Variants in ANKRD26 observed in about 807,000 individuals in gnomAD.
ANKRD26 encodes the protein ankyrin repeat domain-containing protein 26.
In ANKRD26, 141 loss-of-function variants were observed where a neutral mutation model predicts 208.7. That is an observed-to-expected ratio of 0.68 (90% confidence interval 0.59 to 0.78). The LOEUF is 0.78. Among genes scored for constraint, ANKRD26 ranks in the 30% least tolerant of loss-of-function variants. ANKRD26 has a pLI of 0.00. For missense variants in ANKRD26, 1,889 were observed against 1,938.7 expected, an observed-to-expected ratio of 0.97 and a Z score of 0.48; for synonymous variants, 636 against 660.4, an observed-to-expected ratio of 0.96 and a Z score of 0.57.
At chr10:27,072,112 T>C (rs966282355) in intron 9 of ANKRD26, among the ~76,000 whole-genome samples, 4 of 152,310 alleles carry the variant, frequency 2.6e-5, no homozygotes, top group African/African-American at 9.6e-5. Context: ...GGATGCCCCT[T>C]GTTCCACAGG....
chr10:26,987,518 C>T (rs1018456120), downstream of ANKRD26, among the ~76,000 whole-genome samples: 33 of 152,148 alleles, frequency 2.2e-4, no homozygotes, highest in Non-Finnish European at 2.9e-4. Flanking sequence ...TCTAACATTT[C>T]CACCCTCTCC....
At chr10:27,002,253 C>T (rs1304482219), downstream of ANKRD26, among the ~76,000 whole-genome samples, 2 of 152,158 alleles carry the variant, frequency 1.3e-5, no homozygotes, top group Non-Finnish European at 2.9e-5. Context: ...GGCCGGGACA[C>T]AAGAGACTGG....
the ANKRD26 span, among the ~76,000 whole-genome samples, chr10:26,950,678 G>C: frequency 6.6e-6 from 1 of 152,208 alleles, no homozygotes; most frequent in Admixed American, 6.5e-5. Context: ...GCCTCCTGAG[G>C]CCTCCCCAAA....
chr10:26,961,054 A>C, the ANKRD26 span, among the ~76,000 whole-genome samples: 1 of 151,926 alleles, frequency 6.6e-6, no homozygotes, highest in Non-Finnish European at 1.5e-5. Flanking sequence ...CTGTCTCTAC[A>C]AAAAATACAA....
chr10:27,051,405 C>T (rs943333172), intron 16 of ANKRD26: 12 of 1,182,854 alleles, frequency 1.0e-5, no homozygotes, highest in Non-Finnish European at 1.3e-5. Context: ...TTTTGGATCA[C>T]TATACTGAGG....
intron 4 of ANKRD26, among the ~76,000 whole-genome samples, chr10:27,092,069 A>G (rs1320055753): frequency 1.3e-5 from 2 of 152,180 alleles, no homozygotes; most frequent in Non-Finnish European, 1.5e-5. Context: ...TAGCTAACAG[A>G]TCACATGGCC....
intron 26 of ANKRD26, 82 bp downstream of exon 26, chr10:27,029,204 A>G: frequency 6.9e-7 from 1 of 1,449,906 alleles, no homozygotes; most frequent in Non-Finnish European, 9.5e-7. Context: ...ACTTATGATC[A>G]TAGCTGATAT....
At position 27,044,192 on chromosome 10, in the gene ANKRD26, T is replaced by TA. The variant is rs113123391; in HGVS notation, c.1986-3dup. The TA allele has an allele frequency of 0.044, 51,020 of 1,152,832 alleles. 320 individuals carry two copies. Among genetic ancestry groups the TA allele is most frequent in the Admixed American group, 0.16 (7,017 of 44,642 alleles). 71.4% of individuals were successfully genotyped at this position (1,152,832 alleles called of 1,614,324 possible). A position where few individuals can be genotyped will look rare whatever the true frequency, so the allele number is the denominator to read the frequency against. ...TCATTAGATGTTTTCTTAGTAGGCCTAAAAAAAAAAAATACCTTTCAGGCA... is the reference window on the plus strand; with the variant it reads ...TCATTAGATGTTTTCTTAGTAGGCCTAAAAAAAAAAAAATACCTTTCAGGCA... On this transcript the variant is annotated splice_region_variant and splice_polypyrimidine_tract_variant and intron_variant, in intron 18 of 33. Coordinates refer to ENST00000376087, the MANE Select transcript of ANKRD26 (RefSeq NM_014915.3).
chr10:26,950,877 GATTT>G, the ANKRD26 span, among the ~76,000 whole-genome samples: 140 of 152,150 alleles, frequency 9.2e-4, no homozygotes, highest in African/African-American at 2.7e-3. Context: ...ATTCAGAATT[GATTT>G]ATTTGTCAAA....
chr10:26,961,010 A>C, the ANKRD26 span, among the ~76,000 whole-genome samples: 1 of 152,164 alleles, frequency 6.6e-6, no homozygotes, highest in Non-Finnish European at 1.5e-5. Context: ...CAAGGTCAGG[A>C]GATCCACACC....
In ANKRD26 at chr10:27,079,040, G is replaced by A. The variant is rs183618312; in HGVS notation, c.813+49C>T. ...GCAAAATTTTAAGAGAATACTATAC[G>A]AAACTAGATTCAGAGTAAGAAAATT... On this transcript the variant is annotated intron_variant, in intron 7 of 33. Coordinates refer to ENST00000376087, the MANE Select transcript of ANKRD26 (RefSeq NM_014915.3). The A allele has an allele frequency of 2.2e-4, 335 of 1,504,940 alleles. 3 individuals are homozygous for A. The East Asian group carries it at 6.0e-3, about 27-fold the overall frequency. 93.2% of individuals were successfully genotyped at this position (1,504,940 alleles called of 1,614,324 possible).
intron 15 of ANKRD26, among the ~76,000 whole-genome samples, chr10:27,054,769 G>A (rs1369542473): frequency 2.0e-5 from 3 of 152,140 alleles, no homozygotes; most frequent in African/African-American, 7.2e-5. Flanking sequence ...ACAAGCACCA[G>A]AGAAGAGAGC....
intron 31 of ANKRD26, 126 bp from the exon 32 acceptor site, chr10:27,013,236 C>T (rs2053178180): frequency 3.7e-6 from 3 of 813,182 alleles, no homozygotes; most frequent in African/African-American, 1.7e-5. Context: ...AGTATTTTAA[C>T]ACTGAAAAAT....
intron 27 of ANKRD26, among the ~76,000 whole-genome samples, chr10:27,027,152 G>C (rs1433838740): frequency 6.6e-6 from 1 of 152,158 alleles, no homozygotes; most frequent in African/African-American, 2.4e-5. Context: ...GCAATGCTAG[G>C]AGCACTGTGT....
At chr10:26,963,902 G>GTTTTTTTTTTTTTTT in the ANKRD26 span, among the ~76,000 whole-genome samples, 4 of 66,976 alleles carry the variant, frequency 6.0e-5, no homozygotes, top group East Asian at 9.7e-4. Context: ...ATGGTTGGTT[G>GTTTTTTTTTTTTTTT]GTTTTTTTTT....
rs1430012022 is a variant in ANKRD26 at position 27,023,433 on chromosome 10, TAAG to T, written c.4086-749_4086-747del. Among the ~76,000 whole-genome samples, 3 of 144,312 alleles carry T rather than the reference TAAG, an allele frequency of 2.1e-5. No individual in the cohort carries two copies. In the Admixed American group the frequency reaches 2.1e-4, roughly 10 times the overall value. The allele number at this position is 144,312 out of a possible 152,430, so 94.7% of individuals were successfully genotyped here. ...TTTGATATCCGTTGACCACTGTTTATAAGAAGAAAAGTACAAAAAAAAAAAGAA... is the reference window on the plus strand; with the variant it reads ...TTTGATATCCGTTGACCACTGTTTATAAGAAAAGTACAAAAAAAAAAAGAA... On this transcript the variant is annotated intron_variant, in intron 28 of 33. Coordinates refer to ENST00000376087, the MANE Select transcript of ANKRD26 (RefSeq NM_014915.3).
rs1335904281 is a variant in ANKRD26, at chr10:26,978,697, C to T, written c.*281+1879G>A. ...TCCACGCCCTGATGGAAATGTAATGCTCTGGCCCCCTGGGCATGTATGCGC... is the reference window on the plus strand; with the variant it reads ...TCCACGCCCTGATGGAAATGTAATGTTCTGGCCCCCTGGGCATGTATGCGC... On this transcript the variant is annotated intron_variant and NMD_transcript_variant, in intron 5 of 5. Coordinates refer to the ANKRD26 transcript ENST00000674670. 3.9e-5 allele frequency among the ~76,000 whole-genome samples: 6 copies of T among 152,306 alleles called. No individual in the cohort carries two copies. The East Asian group carries it at 1.2e-3, about 29-fold the overall frequency.
intron 4 of ANKRD26, among the ~76,000 whole-genome samples, chr10:27,091,888 G>A (rs1173412122): frequency 2.0e-5 from 3 of 152,036 alleles, no homozygotes; most frequent in Admixed American, 6.5e-5. Flanking sequence ...TCAGGGGGCT[G>A]AGGCAGGAGA....
intron 33 of ANKRD26, 33 bp downstream of exon 33, chr10:27,006,884 T>C (rs2052904493): frequency 6.6e-7 from 1 of 1,515,462 alleles, no homozygotes; most frequent in East Asian, 2.3e-5. Context: ...AATTAATTAA[T>C]CTAAATTTAA....
Sources: gnomAD v4.1 joint callset for allele counts (sites outside exome capture counted in the v4.1 genomes callset) on GRCh38, gnomAD v4.1.1 for gene constraint, MANE v1.5 for transcripts, NCBI Gene and HGNC (gene_info 2026-07-23, HGNC 2026-07-21) for gene names.